The following EPM2A variants were observed in gnomAD, a reference collection of about 807,000 sequenced individuals.
EPM2A encodes the protein laforin.
In EPM2A, 21 loss-of-function variants were observed where a neutral mutation model predicts 26.5. The ratio of observed to expected loss-of-function variants is 0.79; its 90% confidence interval spans 0.56 to 1.14. EPM2A has a LOEUF of 1.14. EPM2A is among the 50% of genes most tolerant of loss of function. The pLI is 0.00. For missense variants in EPM2A, 458 were observed against 440.8 expected (o/e 1.04, Z -0.35); for synonymous variants, 217 against 177.6 (o/e 1.22, Z -1.76).
intron 4 of EPM2A, among the ~76,000 whole-genome samples, chr6:145,392,552 A>C: frequency 1.3e-5 from 2 of 150,942 alleles, no homozygotes; most frequent in East Asian, 2.0e-4. Flanking sequence ...CACCCCTCCA[A>C]CCCTTCTCCT....
At chr6:145,578,826 T>G (rs1026697141) in intron 2 of EPM2A, among the ~76,000 whole-genome samples, 9 of 152,124 alleles carry the variant, frequency 5.9e-5, no homozygotes, top group African/African-American at 2.2e-4. Flanking sequence ...ATTCTCTCCC[T>G]CCAAATCTTT....
intron 2 of EPM2A, among the ~76,000 whole-genome samples, chr6:145,612,351 G>C (rs905250075): frequency 6.6e-6 from 1 of 152,146 alleles, no homozygotes; most frequent in Admixed American, 6.5e-5. Flanking sequence ...AGAGAAAAGA[G>C]TAAAGTTTGT....
intron 2 of EPM2A, among the ~76,000 whole-genome samples, chr6:145,514,250 G>C (rs968566449): frequency 6.6e-6 from 1 of 152,130 alleles, no homozygotes; most frequent in Admixed American, 6.5e-5. Flanking sequence ...TATTTCTTGA[G>C]AACTGCCCCA....
chr6:145,508,584 A>T (rs1478549569), intron 2 of EPM2A, among the ~76,000 whole-genome samples: 1 of 152,064 alleles, frequency 6.6e-6, no homozygotes, highest in African/African-American at 2.4e-5. Context: ...AAAAAAATCA[A>T]CACTCCCCAT....
chr6:145,671,007 A>C, intron 2 of EPM2A: 12 of 985,178 alleles, frequency 1.2e-5, no homozygotes, highest in Non-Finnish European at 1.1e-5. Context: ...AAAGAATCTC[A>C]AATCATTGAA....
intron 3 of EPM2A, 157 bp from the exon 4 acceptor site, chr6:145,627,850 G>A (rs1390205397): frequency 9.3e-7 from 1 of 1,074,654 alleles, no homozygotes; most frequent in Non-Finnish European, 1.3e-6. Context: ...GAAAAAGTGA[G>A]ACCATTTTAC....
At chr6:145,539,974 A>T (rs1046415363) in intron 2 of EPM2A, among the ~76,000 whole-genome samples, 3 of 152,210 alleles carry the variant, frequency 2.0e-5, no homozygotes, top group Middle Eastern at 3.4e-3. Context: ...AGCTACTATG[A>T]CTCAGAGCCT....
intron 2 of EPM2A, among the ~76,000 whole-genome samples, chr6:145,644,657 A>G (rs903435223): frequency 2.0e-5 from 3 of 152,084 alleles, no homozygotes; most frequent in Admixed American, 6.6e-5. Flanking sequence ...TGGCAGGAAC[A>G]GAGGATAAAT....
intron 2 of EPM2A, among the ~76,000 whole-genome samples, chr6:145,649,283 C>T (rs1017747462): frequency 6.6e-6 from 1 of 152,142 alleles, no homozygotes; most frequent in African/African-American, 2.4e-5. Flanking sequence ...GGTATTTTAC[C>T]TCTCAGTGTT....
chr6:145,583,209 A>C (rs1479052400), intron 2 of EPM2A, among the ~76,000 whole-genome samples: 1 of 152,160 alleles, frequency 6.6e-6, no homozygotes, highest in Admixed American at 6.5e-5. Context: ...TAGTGTGGTC[A>C]TTTGGAGGTA....
chr6:145,547,470 T>A (rs1780598132), intron 2 of EPM2A, among the ~76,000 whole-genome samples: 1 of 152,070 alleles, frequency 6.6e-6, no homozygotes, highest in Admixed American at 6.6e-5. Flanking sequence ...GACCACACAA[T>A]ATGTGCATCA....
At chr6:145,497,966 T>C (rs1210985628), downstream of EPM2A, among the ~76,000 whole-genome samples, 1 of 152,074 alleles carries the variant, frequency 6.6e-6, no homozygotes, top group East Asian at 1.9e-4. Context: ...ATCGAAACTC[T>C]GTCTACAGGA....
At chr6:145,722,990 A>G (rs1383132468) in intron 1 of EPM2A, among the ~76,000 whole-genome samples, 1 of 152,178 alleles carries the variant, frequency 6.6e-6, no homozygotes, top group East Asian at 1.9e-4. Context: ...TGTTATTTAA[A>G]CCACCCAGTG....
chr6:145,599,674 T>C (rs983697839), intron 2 of EPM2A, among the ~76,000 whole-genome samples: 1 of 152,010 alleles, frequency 6.6e-6, no homozygotes, highest in Non-Finnish European at 1.5e-5. Context: ...CCTTAGTTAT[T>C]TGCATATATT....
chr6:145,577,243 T>C (rs879678638), intron 2 of EPM2A, among the ~76,000 whole-genome samples: 1 of 151,632 alleles, frequency 6.6e-6, no homozygotes, highest in Non-Finnish European at 1.5e-5. Context: ...AATGTCTGAG[T>C]GGATAAAGAA....
Position 145,492,809 on chromosome 6 carries a change from ACT to A in EPM2A, c.555+9711_555+9712del, listed in dbSNP as rs111468141. On this transcript the variant is annotated intron_variant, in intron 4 of 4. Coordinates refer to the EPM2A transcript ENST00000638717. ...TATCCAGCTGCTTCTCCTCTTCTCCACTCTCTCTGCTGATGGAGCTGGGGGAT... is the reference window on the plus strand; with the variant it reads ...TATCCAGCTGCTTCTCCTCTTCTCCACTCTCTGCTGATGGAGCTGGGGGAT... Among the ~76,000 whole-genome samples, 597 of 151,612 alleles carry A rather than the reference ACT, an allele frequency of 3.9e-3. 8 individuals are homozygous for A. Among genetic ancestry groups the A allele is most frequent in the African/African-American group, 0.014 (576 of 41,296 alleles).
intron 2 of EPM2A, among the ~76,000 whole-genome samples, chr6:145,593,912 C>T (rs978843841): frequency 3.3e-5 from 5 of 151,390 alleles, no homozygotes; most frequent in African/African-American, 1.2e-4. Flanking sequence ...GGAAATAATA[C>T]AAACTAAAGC....
At chr6:145,640,468 G>A (rs1307153921) in intron 2 of EPM2A, 1 of 152,102 alleles carries the variant, frequency 6.6e-6, no homozygotes, top group Non-Finnish European at 1.5e-5. Flanking sequence ...TCCAACTGTT[G>A]AACTGCAGTG....
intron 2 of EPM2A, among the ~76,000 whole-genome samples, chr6:145,662,223 T>C (rs1052251342): frequency 6.6e-6 from 1 of 152,140 alleles, no homozygotes; most frequent in African/African-American, 2.4e-5. Flanking sequence ...ACTGTAAACA[T>C]ACAAGTAGCT....
Sources: allele counts gnomAD v4.1 joint callset (sites outside exome capture counted in the v4.1 genomes callset), GRCh38; gene constraint gnomAD v4.1.1; transcripts MANE v1.5; gene names NCBI Gene and HGNC (gene_info 2026-07-23, HGNC 2026-07-21).